Variants in RBFOX1 observed in about 807,000 individuals in gnomAD.
RBFOX1 encodes RNA binding protein fox-1 homolog 1.
In RBFOX1, 8 loss-of-function variants were observed where a neutral mutation model predicts 57.7. The observed-to-expected ratio is 0.14, with a 90% confidence interval of 0.08 to 0.25. The LOEUF (loss-of-function observed/expected upper bound fraction) is 0.25. Ranked by LOEUF, RBFOX1 falls within the 10% of genes least tolerant of loss-of-function variation. The probability of loss-of-function intolerance (pLI) is 1.00; values close to 1 mark genes in which losing one functional copy is unlikely to be tolerated. For synonymous variants in RBFOX1, 326 were observed against 222.4 expected (o/e 1.47, Z -4.15); for missense variants, 611 against 548.5 (o/e 1.11, Z -1.14).
chr16:7,264,055 T>C (rs2095035003), intron 4 of RBFOX1, among the ~76,000 whole-genome samples: 1 of 152,160 alleles, frequency 6.6e-6, no homozygotes. Context: ...ACACTTTGCT[T>C]TTAGCATTTT....
intron 2 of RBFOX1, among the ~76,000 whole-genome samples, chr16:5,582,523 C>G (rs1283261184): frequency 6.6e-6 from 1 of 150,514 alleles, no homozygotes; most frequent in African/African-American, 2.4e-5. Flanking sequence ...GGGACTTGAA[C>G]CCAGGCATTT....
At chr16:6,392,257 TG>T (rs1456254108) in intron 2 of RBFOX1, among the ~76,000 whole-genome samples, 1 of 152,252 alleles carries the variant, frequency 6.6e-6, no homozygotes, top group Non-Finnish European at 1.5e-5. Context: ...GCGTTTTAAC[TG>T]AAGACACTGC....
At chr16:7,274,629 G>GTTTT (rs1241708608) in intron 4 of RBFOX1, among the ~76,000 whole-genome samples, 2 of 143,540 alleles carry the variant, frequency 1.4e-5, no homozygotes, top group Non-Finnish European at 3.1e-5. Context: ...GAGGTCATTA[G>GTTTT]TTTTTATTTA....
At chr16:7,234,827 T>C (rs2152937573) in intron 4 of RBFOX1, among the ~76,000 whole-genome samples, 2 of 152,154 alleles carry the variant, frequency 1.3e-5, no homozygotes, top group South Asian at 4.1e-4. Context: ...AGGCACCCCA[T>C]TTTTGGTACG....
intron 1 of RBFOX1, among the ~76,000 whole-genome samples, chr16:5,363,031 CTTTTTTT>C (rs35426149): frequency 1.2e-4 from 11 of 95,406 alleles, no homozygotes; most frequent in Admixed American, 8.7e-4. Context: ...GATTTTAATT[CTTTTTTT>C]TTTTTTTTTT....
At chr16:6,997,927 A>G (rs999178117) in intron 3 of RBFOX1, among the ~76,000 whole-genome samples, 9 of 152,062 alleles carry the variant, frequency 5.9e-5, no homozygotes, top group Non-Finnish European at 1.2e-4. Context: ...GGTTAAAAGA[A>G]TTCTCATGTC....
chr16:6,763,083 C>G (rs187162522), intron 3 of RBFOX1, among the ~76,000 whole-genome samples: 1 of 152,108 alleles, frequency 6.6e-6, no homozygotes, highest in African/African-American at 2.4e-5. Flanking sequence ...GACTGTATTA[C>G]GAGAACTTAT....
At chr16:5,953,587 C>T (rs532196539) in intron 4 of RBFOX1, among the ~76,000 whole-genome samples, 4 of 152,114 alleles carry the variant, frequency 2.6e-5, no homozygotes, top group East Asian at 1.9e-4. Flanking sequence ...TGAGAACATA[C>T]GATGTTTGGT....
At chr16:6,026,392 T>C (rs2095195113) in intron 1 of RBFOX1, among the ~76,000 whole-genome samples, 1 of 152,102 alleles carries the variant, frequency 6.6e-6, no homozygotes, top group African/African-American at 2.4e-5. Context: ...GAGAGTGGGG[T>C]GTAGGCAGGC....
intron 4 of RBFOX1, among the ~76,000 whole-genome samples, chr16:7,247,903 G>A (rs1473879352): frequency 6.6e-6 from 1 of 152,152 alleles, no homozygotes; most frequent in Non-Finnish European, 1.5e-5. Context: ...TGGAGGGTGG[G>A]AGTAGGGAGA....
intron 11 of RBFOX1, among the ~76,000 whole-genome samples, chr16:7,637,968 G>C (rs1315481980): frequency 6.6e-6 from 1 of 152,190 alleles, no homozygotes; most frequent in Non-Finnish European, 1.5e-5. Flanking sequence ...GGAGCCTTAA[G>C]ATCCCATATG....
In RBFOX1 at chr16:5,605,839, G is replaced by A. The variant is rs1307303014; in HGVS notation, c.318+6878G>A. Reference sequence around the variant, plus strand: ...AAGAATGGTACTCTTGAATGGTAATGTCTGCCTTGAGAACAGGAGGGGAGA... The same window carrying A: ...AAGAATGGTACTCTTGAATGGTAATATCTGCCTTGAGAACAGGAGGGGAGA... On this transcript the variant is annotated intron_variant, in intron 3 of 19. Transcript: ENST00000641259. Among the ~76,000 whole-genome samples the A allele has an allele frequency of 2.6e-4, 39 of 152,272 alleles. 2 individuals are homozygous for A. Among genetic ancestry groups the A allele is most frequent in the Admixed American group, 2.2e-3 (34 of 15,300 alleles).
intron 3 of RBFOX1, among the ~76,000 whole-genome samples, chr16:6,998,133 C>T (rs879115949): frequency 6.6e-6 from 1 of 151,910 alleles, no homozygotes; most frequent in African/African-American, 2.4e-5. Context: ...ATATAATTAT[C>T]TATTTATTTA....
At chr16:6,148,991 C>T (rs897496302) in intron 1 of RBFOX1, among the ~76,000 whole-genome samples, 9 of 152,104 alleles carry the variant, frequency 5.9e-5, no homozygotes, top group Non-Finnish European at 1.0e-4. Context: ...GGCCTCACAC[C>T]TCATTTGTTC....
intron 3 of RBFOX1, among the ~76,000 whole-genome samples, chr16:6,866,541 A>AT (rs56678526): frequency 0.013 from 994 of 78,862 alleles, 86 homozygotes; most frequent in African/African-American, 0.041. Flanking sequence ...CTTTCCTTCT[A>AT]TTTTTTTTTT....
intron 1 of RBFOX1, among the ~76,000 whole-genome samples, chr16:6,221,398 G>C (rs2097372367): frequency 6.6e-6 from 1 of 152,118 alleles, no homozygotes; most frequent in East Asian, 1.9e-4. Context: ...GGCCTGCCTT[G>C]TGTTTTAACA....
chr16:7,303,353 C>A (rs2096078195), intron 4 of RBFOX1, among the ~76,000 whole-genome samples: 1 of 152,170 alleles, frequency 6.6e-6, no homozygotes, highest in African/African-American at 2.4e-5. Context: ...AGCACTCCAC[C>A]TCCTGAGGAG....
chr16:7,534,564 G>A (rs1047318042), intron 5 of RBFOX1, among the ~76,000 whole-genome samples: 1 of 152,060 alleles, frequency 6.6e-6, no homozygotes, highest in African/African-American at 2.4e-5. Context: ...AGCCCGATTC[G>A]ATCCACTGAA....
chr16:7,400,688 C>G (rs899048908), intron 4 of RBFOX1, among the ~76,000 whole-genome samples: 2 of 152,144 alleles, frequency 1.3e-5, no homozygotes, highest in African/African-American at 2.4e-5. Context: ...ATGATGTCCA[C>G]AGAGCTAGGG....
Sources: allele counts gnomAD v4.1 joint callset (sites outside exome capture counted in the v4.1 genomes callset), GRCh38; gene constraint gnomAD v4.1.1; transcripts MANE v1.5; gene names NCBI Gene and HGNC (gene_info 2026-07-23, HGNC 2026-07-21).